CCDC3: variants seen among roughly 807,000 people sequenced by gnomAD.
CCDC3 encodes the protein coiled-coil domain containing 3, also known as coiled-coil domain-containing protein 3.
CCDC3 carries 24 observed loss-of-function variants against 21.4 expected under a neutral mutation model. The observed-to-expected ratio is 1.12, with a 90% CI of 0.81 to 1.58. The LOEUF (loss-of-function observed/expected upper bound fraction) is 1.58, where lower values mean the gene tolerates loss of function less well. Among genes scored for constraint, CCDC3 ranks in the 40% most tolerant of loss-of-function variants. The pLI is 0.00. For missense variants in CCDC3, 425 were observed against 360.9 expected (o/e 1.18, Z -1.44); for synonymous variants, 186 against 166.0 (o/e 1.12, Z -0.93).
intron 2 of CCDC3, among the ~76,000 whole-genome samples, chr10:12,935,526 A>G (rs940146041): frequency 6.6e-6 from 1 of 151,886 alleles, no homozygotes; most frequent in Admixed American, 6.6e-5. Context: ...CTCTATTCCT[A>G]TTTTTTACTT....
chr10:13,056,943 C>T (rs146861784), intron 4 of CCDC3, among the ~76,000 whole-genome samples: 72 of 152,256 alleles, frequency 4.7e-4, no homozygotes, highest in African/African-American at 1.7e-3. Context: ...GTCAAAAGAC[C>T]TGGGTCCTAG....
intron 2 of CCDC3, among the ~76,000 whole-genome samples, chr10:12,926,264 C>T (rs562623334): frequency 9.9e-5 from 15 of 152,156 alleles, no homozygotes; most frequent in Non-Finnish European, 2.1e-4. Context: ...TGTGTAACTG[C>T]TTGTGATCAT....
chr10:12,920,742 G>A (rs919641779), intron 2 of CCDC3, among the ~76,000 whole-genome samples: 1 of 152,130 alleles, frequency 6.6e-6, no homozygotes, highest in Non-Finnish European at 1.5e-5. Context: ...CATTCTCCCT[G>A]TTTTGTGGAT....
chr10:13,004,985 T>C (rs545436526), upstream of CCDC3, among the ~76,000 whole-genome samples: 1 of 152,262 alleles, frequency 6.6e-6, no homozygotes, highest in East Asian at 1.9e-4. Flanking sequence ...ATTCACCTCT[T>C]CCCAAGATGT....
rs1836570010 is a variant in CCDC3, at chr10:13,049,115, A to G, written c.-2+559T>C. ...AATCTCTCTAATCCACTGAAGAGAC[A>G]CAATAACGAGCCCCAGCTATCCCTT... On this transcript the variant is annotated intron_variant, in intron 5 of 6. Coordinates refer to the CCDC3 transcript ENST00000378839. 1.3e-5 allele frequency among the ~76,000 whole-genome samples: 2 copies of G among 152,198 alleles called. 1 individual carries two copies. Among genetic ancestry groups the G allele is most frequent in the South Asian group, 4.1e-4 (2 of 4,820 alleles).
intron 2 of CCDC3, among the ~76,000 whole-genome samples, chr10:12,983,602 C>T (rs752553537): frequency 2.1e-5 from 3 of 143,800 alleles, no homozygotes; most frequent in Admixed American, 7.0e-5. Context: ...GAAAACAAAA[C>T]GAAAAAAACT....
chr10:13,047,061 A>C (rs11258157), intron 5 of CCDC3, among the ~76,000 whole-genome samples: 1 of 152,162 alleles, frequency 6.6e-6, no homozygotes, highest in African/African-American at 2.4e-5. Context: ...GATGTTTTGC[A>C]TTTATGAAGC....
chr10:12,898,410 G>C lies in CCDC3; in HGVS notation c.*6C>G. 1 of 1,590,978 alleles carries C rather than the reference G, an allele frequency of 6.3e-7. No homozygotes were observed. The highest frequency in any genetic ancestry group is 1.1e-5 in the South Asian group (1 of 89,492). On this transcript the variant is annotated 3_prime_UTR_variant, in exon 3 of 3. Coordinates refer to ENST00000378825, the MANE Select transcript of CCDC3 (RefSeq NM_031455.4). ...GGCCCTGCACACCTGGCAGCCCCCA[G>C]GCCCGTTACCCCCGCAGGTAGGGGG...
At chr10:12,943,621 C>T (rs1345606123) in intron 2 of CCDC3, among the ~76,000 whole-genome samples, 3 of 151,610 alleles carry the variant, frequency 2.0e-5, no homozygotes, top group African/African-American at 7.3e-5. Context: ...CAGGTAGAAA[C>T]CCCATCTGCA....
At chr10:13,003,079 G>A (rs779675315), upstream of CCDC3, among the ~76,000 whole-genome samples, 39 of 152,168 alleles carry the variant, frequency 2.6e-4, no homozygotes, top group Non-Finnish European at 4.4e-4. Context: ...GGTGGGAGGG[G>A]AGACATAATT....
At position 12,915,821 on chromosome 10, in the gene CCDC3, G is replaced by A. The variant is rs1469620111; in HGVS notation, c.550-17142C>T. ...GGTATTGTGGTGGACCTTGACCCTG[G>A]ATCTGTAGGTCTTGGCCAGGCACTG... On this transcript the variant is annotated intron_variant, in intron 2 of 2. Coordinates refer to ENST00000378825, the MANE Select transcript of CCDC3 (RefSeq NM_031455.4). Among the ~76,000 whole-genome samples, 3 of 152,294 alleles carry A rather than the reference G, an allele frequency of 2.0e-5. No homozygotes were observed. The South Asian group carries it at 6.2e-4, about 32-fold the overall frequency.
intron 5 of CCDC3, among the ~76,000 whole-genome samples, chr10:13,033,553 C>T (rs947877021): frequency 7.2e-4 from 109 of 152,222 alleles, no homozygotes; most frequent in African/African-American, 2.6e-3. Context: ...AGTGAACAGG[C>T]AACCTACAGA....
chr10:12,910,580 A>G (rs1415357475), intron 2 of CCDC3, among the ~76,000 whole-genome samples: 1 of 147,240 alleles, frequency 6.8e-6, no homozygotes, highest in Non-Finnish European at 1.5e-5. Flanking sequence ...GCAAGTTTCA[A>G]TAACTAGTCA....
intron 2 of CCDC3, among the ~76,000 whole-genome samples, chr10:12,971,335 T>C (rs1277316363): frequency 6.6e-6 from 1 of 152,204 alleles, no homozygotes; most frequent in Non-Finnish European, 1.5e-5. Flanking sequence ...ATGAGGACAT[T>C]TGCTTGCCTT....
intron 5 of CCDC3, among the ~76,000 whole-genome samples, chr10:13,014,458 G>GA (rs59613788): frequency 0.47 from 36,791 of 78,142 alleles, 5,736 homozygotes; most frequent in Non-Finnish European, 0.53. Flanking sequence ...TCAAAAAAAA[G>GA]AAAAAAAAAA....
intron 2 of CCDC3, among the ~76,000 whole-genome samples, chr10:12,978,340 C>T (rs1289737458): frequency 1.3e-5 from 2 of 152,188 alleles, no homozygotes; most frequent in Non-Finnish European, 2.9e-5. Flanking sequence ...ACTCTTGAAG[C>T]GCCTGTTCCA....
At chr10:12,949,986 T>A (rs1276425532) in intron 2 of CCDC3, among the ~76,000 whole-genome samples, 1 of 152,186 alleles carries the variant, frequency 6.6e-6, no homozygotes, top group Non-Finnish European at 1.5e-5. Flanking sequence ...CACACACCTG[T>A]GTTCTCTCCT....
chr10:13,064,298 T>C (rs1023751254), intron 4 of CCDC3, among the ~76,000 whole-genome samples: 1 of 152,180 alleles, frequency 6.6e-6, no homozygotes, highest in African/African-American at 2.4e-5. Context: ...CAGGGGCTAT[T>C]AAACCTGTTT....
chr10:12,914,552 C>G (rs947517552), intron 2 of CCDC3, among the ~76,000 whole-genome samples: 1 of 152,060 alleles, frequency 6.6e-6, no homozygotes. Context: ...TCAAGCGATT[C>G]GCCTGCCTCA....
Sources: allele counts gnomAD v4.1 joint callset (sites outside exome capture counted in the v4.1 genomes callset), GRCh38; gene constraint gnomAD v4.1.1; transcripts MANE v1.5; gene names NCBI Gene and HGNC (gene_info 2026-07-23, HGNC 2026-07-21).